Variants in GEMIN5 observed in about 807,000 individuals in gnomAD.
GEMIN5 encodes the protein gem nuclear organelle associated protein 5.
In GEMIN5, 124 loss-of-function variants were observed where a neutral mutation model predicts 176.9. The observed-to-expected ratio is 0.70, with a 90% CI of 0.61 to 0.81. GEMIN5 has a LOEUF of 0.81. GEMIN5 is among the 40% of genes least tolerant of loss of function. The probability of loss-of-function intolerance (pLI) is 0.00; values close to 1 mark genes in which losing one functional copy is unlikely to be tolerated. For missense variants in GEMIN5, 1,843 were observed against 1,814.6 expected (o/e 1.02, Z -0.28); for synonymous variants, 673 against 665.2 (o/e 1.01, Z -0.18).
At chr5:154,900,105 C>A (rs1763433704) in intron 21 of GEMIN5, among the ~76,000 whole-genome samples, 1 of 152,126 alleles carries the variant, frequency 6.6e-6, no homozygotes, top group South Asian at 2.1e-4. Flanking sequence ...TTTTAGAAAA[C>A]TTGTACCTAC....
At chr5:154,929,989 G>A (rs1231978245) in intron 5 of GEMIN5, among the ~76,000 whole-genome samples, 1 of 152,138 alleles carries the variant, frequency 6.6e-6, no homozygotes, top group Non-Finnish European at 1.5e-5. Flanking sequence ...TCTCTTCAAA[G>A]AATCAATATG....
chr5:154,938,069 G>A lies in GEMIN5; in HGVS notation c.65C>T (p.Ala22Val). Residue 22 changes from alanine (A) to valine (V), a missense_variant, in exon 1 of 28, where the codon GCC (alanine) becomes GTC (valine). Ala to Val is a moderately conservative substitution (Grantham distance 64). Coordinates refer to ENST00000285873, the MANE Select transcript of GEMIN5 (RefSeq NM_015465.5). ...PNWYCARCSD[A>V]VPGGLFGFAA... ...GAAGCCAAAGAGGCCCCCGGGCACG[G>A]CATCGCTGCAGCGGGCGCAGTACCA... The A allele has an allele frequency of 5.9e-6, 9 of 1,524,224 alleles. No homozygotes were observed. Among genetic ancestry groups the A allele is most frequent in the Admixed American group, 2.2e-5 (1 of 46,118 alleles). The allele number at this position is 1,524,224 out of a possible 1,614,324, so 94.4% of individuals were successfully genotyped here. A position where few individuals can be genotyped will look rare whatever the true frequency, so the allele number is the denominator to read the frequency against.
Position 154,937,008 on chromosome 5 carries a change from C to A in GEMIN5, c.327+17G>T. On this transcript the variant is annotated intron_variant, in intron 2 of 27. Transcript: ENST00000285873. ...AGATAGATAAAAACGGTTTGAGAAA[C>A]CAGTAAGCCATGGTACCTGATGGAG... The A allele has an allele frequency of 3.1e-6, 5 of 1,598,142 alleles. No individual in the cohort carries two copies. The highest frequency in any genetic ancestry group is 3.4e-6 in the Non-Finnish European group (4 of 1,168,994).
At chr5:154,888,959 G>A (rs145947546) in intron 27 of GEMIN5, among the ~76,000 whole-genome samples, 17 of 151,730 alleles carry the variant, frequency 1.1e-4, no homozygotes, top group African/African-American at 3.1e-4. Flanking sequence ...CTGAGTTCAC[G>A]CCATTCTCCT....
chr5:154,937,415 T>C (rs982500422), intron 1 of GEMIN5, among the ~76,000 whole-genome samples: 6 of 152,214 alleles, frequency 3.9e-5, no homozygotes, highest in African/African-American at 1.4e-4. Context: ...AAATGAATGT[T>C]GATATACCTT....
chr5:154,915,681 G>C (rs573369870), intron 13 of GEMIN5, among the ~76,000 whole-genome samples: 1 of 152,266 alleles, frequency 6.6e-6, no homozygotes, highest in South Asian at 2.1e-4. Context: ...GGAAAATGAG[G>C]ATAACGTTAC....
rs1764186907 is a variant in GEMIN5 at position 154,932,361 on chromosome 5, T to C, written c.510-111A>G. 2.0e-5 allele frequency: 15 copies of C among 756,716 alleles called. No homozygotes were observed. In the South Asian group the frequency reaches 2.5e-4, roughly 12 times the overall value. The allele number at this position is 756,716 out of a possible 1,614,324, so 46.9% of individuals were successfully genotyped here. A position where few individuals can be genotyped will look rare whatever the true frequency, so the allele number is the denominator to read the frequency against. On this transcript the variant is annotated intron_variant, in intron 3 of 27. Coordinates refer to ENST00000285873, the MANE Select transcript of GEMIN5 (RefSeq NM_015465.5). ...GGCGCATTCCTTAAAGTTAGGTGCA[T>C]TTGGGGTGGCGGAGGAGGGAAGAGG...
At position 154,891,337 on chromosome 5, in the gene GEMIN5, T is replaced by C. The variant is rs763445158; in HGVS notation, c.4166A>G (p.Gln1389Arg). ...ETLAEMIRQH[Q>R]KSQLCKSTAN... ...TGTGGATTTACAGAGTTGACTCTTT[T>C]GGTGTTGTCGGATCATTTCTGCCAA... is the stretch of plus-strand genomic sequence containing the variant. Residue 1389 changes from glutamine to arginine, a missense_variant, in exon 26 of 28, where the codon CAA (glutamine) becomes CGA (arginine). Coordinates refer to ENST00000285873, the MANE Select transcript of GEMIN5 (RefSeq NM_015465.5). 1.9e-6 allele frequency: 3 copies of C among 1,614,094 alleles called. No homozygotes were observed. The highest frequency in any genetic ancestry group is 2.2e-5 in the East Asian group (1 of 44,876).
At chr5:154,896,458 A>G (rs1440369079) in intron 23 of GEMIN5, 115 bp from the exon 24 acceptor site, 8 of 1,055,108 alleles carry the variant, frequency 7.6e-6, no homozygotes, top group Non-Finnish European at 1.0e-5. Context: ...CAACCAAAGC[A>G]CATTAGTGAG....
intron 24 of GEMIN5, among the ~76,000 whole-genome samples, chr5:154,893,400 CAG>C (rs1467703536): frequency 1.3e-5 from 2 of 149,750 alleles, no homozygotes; most frequent in Non-Finnish European, 3.0e-5. Flanking sequence ...GCCTGGGTGA[CAG>C]AGTGAGACGC....
chr5:154,888,418 C>T, intron 27 of GEMIN5, 41 bp from the exon 28 acceptor site: 1 of 1,575,536 alleles, frequency 6.3e-7, no homozygotes, highest in South Asian at 1.1e-5. Context: ...GAAGCATTTG[C>T]AGAAGAGCCA....
Position 154,901,323 on chromosome 5 carries a change from C to CT in GEMIN5, c.3014+15dup, listed in dbSNP as rs758978840. The CT allele has an allele frequency of 3.1e-6, 5 of 1,610,370 alleles. No homozygotes were observed. In the South Asian group the frequency reaches 4.4e-5, roughly 14 times the overall value. Reference sequence around the variant, plus strand: ...ATTATGTCCAAGTATTATCCCAACTCTAGGACCACACAGACCTGTAAAAAT... The same window carrying CT: ...ATTATGTCCAAGTATTATCCCAACTCTTAGGACCACACAGACCTGTAAAAAT... On this transcript the variant is annotated intron_variant, in intron 21 of 27. Coordinates refer to ENST00000285873, the MANE Select transcript of GEMIN5 (RefSeq NM_015465.5).
At chr5:154,903,769 A>C (rs1763513943) in intron 18 of GEMIN5, among the ~76,000 whole-genome samples, 2 of 152,206 alleles carry the variant, frequency 1.3e-5, no homozygotes, top group East Asian at 3.9e-4. Flanking sequence ...ATGGTCCTCC[A>C]TTCCTGGGGA....
intron 3 of GEMIN5, among the ~76,000 whole-genome samples, chr5:154,932,461 C>A (rs891482447): frequency 1.3e-5 from 2 of 152,118 alleles, no homozygotes; most frequent in Non-Finnish European, 2.9e-5. Context: ...AAACCCTTCT[C>A]TCTATGATCA....
chr5:154,902,586 G>C lies in GEMIN5; in HGVS notation c.2819C>G (p.Ala940Gly), dbSNP rs761138731. 1.2e-6 allele frequency: 2 copies of C among 1,614,010 alleles called. No homozygotes were observed. Among genetic ancestry groups the C allele is most frequent in the East Asian group, 4.5e-5 (2 of 44,886 alleles). Residue 940 changes from alanine to glycine, a missense_variant, in exon 20 of 28, where the codon GCA becomes GGA. Transcript: ENST00000285873. ...GTTGTCTGTCAGCTCCCCTCTTTCTGCTGCAGTCTGGAGAACACCTTTGAG... is the reference window on the plus strand; with the variant it reads ...GTTGTCTGTCAGCTCCCCTCTTTCTCCTGCAGTCTGGAGAACACCTTTGAG... Reference protein sequence around the residue: ...GDLKGVLQTAAERGELTDNLV... With the variant: ...GDLKGVLQTAGERGELTDNLV...
At chr5:154,921,297 A>G (rs1375340647) in intron 10 of GEMIN5, 46 bp downstream of exon 10, 1 of 863,552 alleles carries the variant, frequency 1.2e-6, no homozygotes, top group East Asian at 2.5e-5. Context: ...ATTAAACTGA[A>G]GGAAGAATAC....
rs992223122 is a variant in GEMIN5, at chr5:154,887,891, G to A, written c.*319C>T. 25 of 296,072 alleles carry A rather than the reference G, an allele frequency of 8.4e-5. No homozygotes were observed. In the East Asian group the frequency reaches 1.5e-3, roughly 18 times the overall value. 18.3% of individuals were successfully genotyped at this position (296,072 alleles called of 1,614,324 possible). The stretch of plus-strand genomic sequence containing the variant: ...TTAAGCATGTAACACTTTGGGTGAC[G>A]ACAGAAGTTTCTCCTCTTTGGGTGA... On this transcript the variant is annotated 3_prime_UTR_variant, in exon 28 of 28. Coordinates refer to ENST00000285873, the MANE Select transcript of GEMIN5 (RefSeq NM_015465.5).
intron 8 of GEMIN5, among the ~76,000 whole-genome samples, chr5:154,924,968 G>A (rs1200076968): frequency 6.6e-6 from 1 of 152,032 alleles, no homozygotes; most frequent in Non-Finnish European, 1.5e-5. Context: ...CAGCCTGGGC[G>A]ACAGAGTGAG....
In GEMIN5 at chr5:154,913,045, G is replaced by A; in HGVS notation, c.1856-7C>T. 6.2e-7 allele frequency: 1 copy of A among 1,601,334 alleles called. No homozygotes were observed. Among genetic ancestry groups the A allele is most frequent in the South Asian group, 1.1e-5 (1 of 88,586 alleles). ...GGAGACTCAGGGCTGCTCTCTAAAA[G>A]GCAAAGGAAAGACATCACTGCTGCT... On this transcript the variant is annotated splice_polypyrimidine_tract_variant and splice_region_variant and intron_variant, in intron 13 of 27. Transcript: ENST00000285873.
Sources: gnomAD v4.1 joint callset for allele counts (sites outside exome capture counted in the v4.1 genomes callset) on GRCh38, gnomAD v4.1.1 for gene constraint, MANE v1.5 for transcripts, NCBI Gene and HGNC (gene_info 2026-07-23, HGNC 2026-07-21) for gene names.